MNAT1: variants seen among roughly 807,000 people sequenced by gnomAD.
MNAT1 encodes MNAT1 component of CDK activating kinase.
In MNAT1, 43 loss-of-function variants were observed where a neutral mutation model predicts 42.0. That is an observed-to-expected ratio of 1.02 (90% confidence interval 0.80 to 1.32). The LOEUF (loss-of-function observed/expected upper bound fraction) is 1.32, where lower values mean the gene tolerates loss of function less well. Ranked by LOEUF, MNAT1 falls within the 40% of genes most tolerant of loss-of-function variation. The probability of loss-of-function intolerance (pLI) is 0.00; values close to 1 mark genes in which losing one functional copy is unlikely to be tolerated. For synonymous variants in MNAT1, 118 were observed against 120.0 expected, an observed-to-expected ratio of 0.98 and a Z score of 0.11; for missense variants, 306 against 350.4, an observed-to-expected ratio of 0.87 and a Z score of 1.01.
chr14:60,878,300 G>A (rs1355712319), intron 6 of MNAT1, among the ~76,000 whole-genome samples: 4 of 152,038 alleles, frequency 2.6e-5, no homozygotes, highest in Non-Finnish European at 5.9e-5. Flanking sequence ...AAATAACTGA[G>A]GGTCCTAGGA....
intron 6 of MNAT1, among the ~76,000 whole-genome samples, chr14:60,869,040 A>ATATATATTTTTTTTT (rs1465360826): frequency 1.8e-5 from 2 of 113,054 alleles, no homozygotes; most frequent in African/African-American, 6.8e-5. Context: ...ATATATATAT[A>ATATATATTTTTTTTT]TTTTTTTTTT....
At chr14:60,947,189 G>C (rs2036293475) in intron 7 of MNAT1, among the ~76,000 whole-genome samples, 1 of 151,988 alleles carries the variant, frequency 6.6e-6, no homozygotes, top group Non-Finnish European at 1.5e-5. Context: ...CTTTTTAAAG[G>C]AACACAGCTG....
chr14:60,785,571 A>G (rs1048607548), intron 1 of MNAT1, among the ~76,000 whole-genome samples: 45 of 152,168 alleles, frequency 3.0e-4, no homozygotes, highest in African/African-American at 1.1e-3. Context: ...AACCAAATAC[A>G]GTTCTTGCCT....
intron 6 of MNAT1, among the ~76,000 whole-genome samples, chr14:60,851,445 C>G (rs997482277): frequency 4.6e-5 from 7 of 151,570 alleles, no homozygotes; most frequent in Non-Finnish European, 5.9e-5. Flanking sequence ...TTATCAGCCA[C>G]CATTTTTCCA....
At chr14:60,783,930 A>G (rs1251817017) in intron 1 of MNAT1, among the ~76,000 whole-genome samples, 1 of 151,848 alleles carries the variant, frequency 6.6e-6, no homozygotes, top group Non-Finnish European at 1.5e-5. Context: ...CCTGGGCTCA[A>G]GCGATCCTTG....
intron 1 of MNAT1, among the ~76,000 whole-genome samples, chr14:60,792,774 A>G (rs2031869055): frequency 6.6e-6 from 1 of 152,236 alleles, no homozygotes; most frequent in South Asian, 2.1e-4. Flanking sequence ...TATGTCATTC[A>G]GAGAGAAAAA....
At chr14:60,909,052 T>G (rs1406682614) in intron 7 of MNAT1, among the ~76,000 whole-genome samples, 1 of 152,244 alleles carries the variant, frequency 6.6e-6, no homozygotes, top group East Asian at 1.9e-4. Flanking sequence ...GTGGTTTTGA[T>G]TTGCATTTCT....
chr14:60,811,054 A>G (rs1220751829), intron 4 of MNAT1, among the ~76,000 whole-genome samples: 3 of 151,946 alleles, frequency 2.0e-5, no homozygotes, highest in Admixed American at 2.0e-4. Context: ...ATATCTTTCT[A>G]TATGTTGATC....
At chr14:60,783,140 T>C (rs1402676873) in intron 1 of MNAT1, among the ~76,000 whole-genome samples, 1 of 152,216 alleles carries the variant, frequency 6.6e-6, no homozygotes, top group African/African-American at 2.4e-5. Flanking sequence ...CAAGTGGGTC[T>C]AAGCTTTCTA....
chr14:60,745,392 G>C (rs1464369246), intron 1 of MNAT1, among the ~76,000 whole-genome samples: 1 of 152,146 alleles, frequency 6.6e-6, no homozygotes, highest in East Asian at 1.9e-4. Context: ...TAGTCTTGCA[G>C]ATTTTCTCAG....
chr14:60,829,029 G>C (rs79671183), intron 6 of MNAT1, among the ~76,000 whole-genome samples: 2,648 of 152,168 alleles, frequency 0.017, 42 homozygotes, highest in East Asian at 0.091. Flanking sequence ...TTTTATGGGG[G>C]CTTCTTTCCT....
At chr14:60,892,707 T>C (rs1466896232) in intron 7 of MNAT1, among the ~76,000 whole-genome samples, 1 of 152,104 alleles carries the variant, frequency 6.6e-6, no homozygotes, top group Non-Finnish European at 1.5e-5. Context: ...TGTTTATTTT[T>C]TAGTGCCACA....
intron 1 of MNAT1, among the ~76,000 whole-genome samples, chr14:60,772,373 T>G (rs1594742258): frequency 6.6e-6 from 1 of 152,280 alleles, no homozygotes; most frequent in Middle Eastern, 3.4e-3. Context: ...TCACCTGAGG[T>G]CAGGAGTTTG....
intron 1 of MNAT1, among the ~76,000 whole-genome samples, chr14:60,778,316 C>T (rs2031323841): frequency 1.3e-5 from 2 of 152,068 alleles, no homozygotes. Flanking sequence ...TATCAGAGTC[C>T]TTTCTCTGGT....
intron 6 of MNAT1, among the ~76,000 whole-genome samples, chr14:60,850,405 A>G (rs2033796025): frequency 6.6e-6 from 1 of 152,212 alleles, no homozygotes. Flanking sequence ...CACTAGGAGC[A>G]TTTGAGTTGA....
At chr14:60,850,323 A>C (rs1251343935) in intron 6 of MNAT1, among the ~76,000 whole-genome samples, 1 of 152,206 alleles carries the variant, frequency 6.6e-6, no homozygotes, top group East Asian at 1.9e-4. Context: ...CCATTCTAGC[A>C]AAGTTTCACT....
intron 1 of MNAT1, among the ~76,000 whole-genome samples, chr14:60,766,253 C>T (rs1490518840): frequency 6.7e-6 from 1 of 150,364 alleles, no homozygotes; most frequent in Non-Finnish European, 1.5e-5. Context: ...GAGGCGTAGA[C>T]AGAGAATTGC....
At chr14:60,899,044 A>G (rs2035021623) in intron 7 of MNAT1, among the ~76,000 whole-genome samples, 3 of 152,046 alleles carry the variant, frequency 2.0e-5, no homozygotes, top group Admixed American at 2.0e-4. Flanking sequence ...ACTTGGTATC[A>G]TTGTTGATTA....
intron 1 of MNAT1, among the ~76,000 whole-genome samples, chr14:60,795,523 G>A (rs1371533851): frequency 6.6e-6 from 1 of 152,178 alleles, no homozygotes; most frequent in Non-Finnish European, 1.5e-5. Flanking sequence ...AGGTATCTGG[G>A]AAACCTGGCT....
Sources: allele counts gnomAD v4.1 joint callset (sites outside exome capture counted in the v4.1 genomes callset), GRCh38; gene constraint gnomAD v4.1.1; transcripts MANE v1.5; gene names NCBI Gene and HGNC (gene_info 2026-07-23, HGNC 2026-07-21).